Variants in SMC3 observed in about 807,000 individuals in gnomAD.
SMC3 encodes the protein structural maintenance of chromosomes protein 3.
In SMC3, 20 loss-of-function variants were observed where a neutral mutation model predicts 171.8. The ratio of observed to expected loss-of-function variants is 0.12; its 90% CI spans 0.08 to 0.17. The LOEUF (loss-of-function observed/expected upper bound fraction) is 0.17. SMC3 is among the 10% of genes least tolerant of loss of function. The pLI is 1.00. For synonymous variants in SMC3, 464 were observed against 451.1 expected (o/e 1.03, Z -0.36); for missense variants, 543 against 1,420.4 (o/e 0.38, Z 9.93).
chr10:110,603,321 G>C, intron 28 of SMC3, 31 bp downstream of exon 28: 1 of 1,291,792 alleles, frequency 7.7e-7, no homozygotes. Flanking sequence ...GTTTAAGTTT[G>C]TATTTATTCA....
intron 18 of SMC3, among the ~76,000 whole-genome samples, 169 bp downstream of exon 18, chr10:110,593,392 C>A (rs952503102): frequency 2.0e-5 from 3 of 151,676 alleles, no homozygotes; most frequent in African/African-American, 7.3e-5. Context: ...GCTAACGAGG[C>A]GAAACCCTGT....
intron 2 of SMC3, among the ~76,000 whole-genome samples, chr10:110,570,620 TTAAAA>T (rs1405691139): frequency 3.9e-5 from 6 of 152,206 alleles, no homozygotes; most frequent in African/African-American, 9.6e-5. Context: ...AACTTGCACC[TTAAAA>T]TAAGTACCTT....
Position 110,567,712 on chromosome 10 carries a change from G to C in SMC3, c.-105G>C. 7.1e-7 allele frequency: 1 copy of C among 1,406,354 alleles called. No individual in the cohort carries two copies. The highest frequency in any genetic ancestry group is 1.0e-6 in the Non-Finnish European group (1 of 999,732). The allele number at this position is 1,406,354 out of a possible 1,614,324, so 87.1% of individuals were successfully genotyped here. A position where few individuals can be genotyped will look rare whatever the true frequency, so the allele number is the denominator to read the frequency against. On this transcript the variant is annotated 5_prime_UTR_variant, in exon 1 of 29. Coordinates refer to ENST00000361804, the MANE Select transcript of SMC3 (RefSeq NM_005445.4). ...GCCATTTTGTTTGGCTGAGGGGAGC[G>C]AGCGGCGCTTTGGGGGAGGGGTCGC...
intron 6 of SMC3, 117 bp from the exon 7 acceptor site, chr10:110,578,511 A>G (rs1248954779): frequency 4.1e-6 from 3 of 726,498 alleles, no homozygotes; most frequent in South Asian, 1.6e-5. Context: ...GATGATACAG[A>G]TGGTTTAATT....
intron 7 of SMC3, among the ~76,000 whole-genome samples, chr10:110,580,599 A>G (rs1383426489): frequency 1.3e-5 from 2 of 152,258 alleles, no homozygotes; most frequent in Non-Finnish European, 2.9e-5. Flanking sequence ...TCCCAAATTC[A>G]AAAGTCTGAA....
In SMC3 at chr10:110,579,992, G is replaced by A. The variant is rs115510571; in HGVS notation, c.430-912G>A. Among the ~76,000 whole-genome samples, 727 of 151,944 alleles carry A rather than the reference G, an allele frequency of 4.8e-3. 7 individuals are homozygous for A. Among genetic ancestry groups the A allele is most frequent in the African/African-American group, 0.016 (652 of 41,442 alleles). ...TATCATTAGCCTTCTGTATCTGTAG[G>A]TTCCACATCTGCAAGTTCAGCCAAC... On this transcript the variant is annotated intron_variant, in intron 7 of 28. Coordinates refer to ENST00000361804, the MANE Select transcript of SMC3 (RefSeq NM_005445.4).
In SMC3 at chr10:110,567,749, A is replaced by T; in HGVS notation, c.-68A>T. On this transcript the variant is annotated 5_prime_UTR_variant, in exon 1 of 29. Transcript: ENST00000361804. ...GGGGGAGGGGTCGCGTAGGCGCCTC[A>T]CCTGACCCTGCGGCCGTGCGGTTGC... The T allele has an allele frequency of 6.2e-7, 1 of 1,601,902 alleles. No homozygotes were observed. The highest frequency in any genetic ancestry group is 8.5e-7 in the Non-Finnish European group (1 of 1,169,984).
At position 110,600,551 on chromosome 10, in the gene SMC3, GTA is replaced by G. The variant is rs1360623558; in HGVS notation, c.2535+7_2535+8del. ...CGCTTGGACCAAGTAGAACAGGTGT[GTA>G]TGTGTTTTTTTTTTTTTTTTTAAGG... On this transcript the variant is annotated splice_donor_region_variant and intron_variant, in intron 22 of 28. Coordinates refer to ENST00000361804, the MANE Select transcript of SMC3 (RefSeq NM_005445.4). 1.5e-6 allele frequency: 2 copies of G among 1,302,528 alleles called. No individual in the cohort carries two copies. The highest frequency in any genetic ancestry group is 1.7e-5 in the Admixed American group (1 of 58,690). 80.7% of individuals were successfully genotyped at this position (1,302,528 alleles called of 1,614,324 possible). A position where few individuals can be genotyped will look rare whatever the true frequency, so the allele number is the denominator to read the frequency against.
Position 110,601,810 on chromosome 10 carries a change from A to G in SMC3, c.2818A>G (p.Met940Val). The G allele has an allele frequency of 6.2e-7, 1 of 1,613,932 alleles. No homozygotes were observed. The highest frequency in any genetic ancestry group is 8.5e-7 in the Non-Finnish European group (1 of 1,179,856). The change falls in exon 24 of 29, where the codon ATG (methionine) becomes GTG (valine). Residue 940 changes from methionine to valine, a missense_variant. Met to Val is a conservative substitution (Grantham distance 21). Transcript: ENST00000361804. ...GCTATTGAAGAAGAAAGAAGAGTGT[A>G]TGAAGAAAATTCGAGAACTTGGATC... ...GMLLKKKEEC[M>V]KKIRELGSLP...
intron 19 of SMC3, among the ~76,000 whole-genome samples, chr10:110,597,155 AAAAG>A (rs1313320451): frequency 6.6e-6 from 1 of 151,854 alleles, no homozygotes; most frequent in African/African-American, 2.4e-5. Flanking sequence ...AAAAAAAAAA[AAAAG>A]GTGACAGGGG....
At chr10:110,594,770 A>C (rs192000068) in intron 18 of SMC3, among the ~76,000 whole-genome samples, 34 of 151,202 alleles carry the variant, frequency 2.2e-4, no homozygotes, top group Middle Eastern at 3.4e-3. Context: ...TGAACCATCC[A>C]AGAATAAGTA....
intron 7 of SMC3, 57 bp from the exon 8 acceptor site, chr10:110,580,847 T>G: frequency 1.1e-6 from 1 of 925,746 alleles, no homozygotes; most frequent in South Asian, 1.3e-5. Context: ...AACGTGGAGT[T>G]CTTCTTCTTA....
At chr10:110,568,394 C>T (rs1860815448) in intron 1 of SMC3, 2 of 168,854 alleles carry the variant, frequency 1.2e-5, no homozygotes, top group Non-Finnish European at 2.5e-5. Flanking sequence ...CCGCCTCCCT[C>T]GGTTGTTTAC....
chr10:110,604,590 C>A lies in SMC3; in HGVS notation c.*288C>A. 2.8e-6 allele frequency: 1 copy of A among 353,790 alleles called. No individual in the cohort carries two copies. Among genetic ancestry groups the A allele is most frequent in the South Asian group, 2.9e-5 (1 of 34,352 alleles). 21.9% of individuals were successfully genotyped at this position (353,790 alleles called of 1,614,324 possible). ...TTTCCTAATTATTTTATCACTTATA[C>A]TACCTTTTTTATAGCTTCAATTAAA... On this transcript the variant is annotated 3_prime_UTR_variant, in exon 29 of 29. Coordinates refer to ENST00000361804, the MANE Select transcript of SMC3 (RefSeq NM_005445.4).
At position 110,601,239 on chromosome 10, in the gene SMC3, T is replaced by C. The variant is rs1371249329; in HGVS notation, c.2644+109T>C. 3.5e-6 allele frequency: 3 copies of C among 856,370 alleles called. No homozygotes were observed. The African/African-American group carries it at 5.0e-5, about 14-fold the overall frequency. 53.0% of individuals were successfully genotyped at this position (856,370 alleles called of 1,614,324 possible). A position where few individuals can be genotyped will look rare whatever the true frequency, so the allele number is the denominator to read the frequency against. On this transcript the variant is annotated intron_variant, in intron 23 of 28. Coordinates refer to ENST00000361804, the MANE Select transcript of SMC3 (RefSeq NM_005445.4). The stretch of plus-strand genomic sequence containing the variant: ...AAGCATATGCTAATGATTTTTTGTT[T>C]TCCATTATAAACAATGTATAGCAAA...
chr10:110,593,670 G>A (rs11195206), intron 18 of SMC3, among the ~76,000 whole-genome samples: 17,067 of 152,052 alleles, frequency 0.11, 1,149 homozygotes, highest in East Asian at 0.26. Flanking sequence ...TTCTGGTTTT[G>A]AGAGTATTCG....
rs1248270877 is a variant in SMC3, at chr10:110,605,733, A to G, written c.*1431A>G. Among the ~76,000 whole-genome samples, 2 of 152,212 alleles carry G rather than the reference A, an allele frequency of 1.3e-5. No homozygotes were observed. The highest frequency in any genetic ancestry group is 2.9e-5 in the Non-Finnish European group (2 of 68,028). On this transcript the variant is annotated 3_prime_UTR_variant, in exon 29 of 29. Coordinates refer to ENST00000361804, the MANE Select transcript of SMC3 (RefSeq NM_005445.4). ...ACTACATTCAAAGGGTTACGTAACT[A>G]TAATATCTTTCTAATATTTCTACCA...
At chr10:110,580,631 G>A (rs1352699033) in intron 7 of SMC3, among the ~76,000 whole-genome samples, 1 of 152,210 alleles carries the variant, frequency 6.6e-6, no homozygotes, top group Non-Finnish European at 1.5e-5. Flanking sequence ...TCTACAATCT[G>A]AAACCTTTCG....
In SMC3 at chr10:110,589,882, T is replaced by C; in HGVS notation, c.1410-10T>C. ...TTAAAATTAAAGACAGTCTACTTTTTATTTATTAGCTACTTGTGGAGAGAA... is the reference window on the plus strand; with the variant it reads ...TTAAAATTAAAGACAGTCTACTTTTCATTTATTAGCTACTTGTGGAGAGAA... On this transcript the variant is annotated splice_polypyrimidine_tract_variant and intron_variant, in intron 14 of 28. Transcript: ENST00000361804. 6.2e-7 allele frequency: 1 copy of C among 1,611,400 alleles called. No individual in the cohort carries two copies. Among genetic ancestry groups the C allele is most frequent in the Non-Finnish European group, 8.5e-7 (1 of 1,177,850 alleles).
Sources: gnomAD v4.1 joint callset for allele counts (sites outside exome capture counted in the v4.1 genomes callset) on GRCh38, gnomAD v4.1.1 for gene constraint, MANE v1.5 for transcripts, NCBI Gene and HGNC (gene_info 2026-07-23, HGNC 2026-07-21) for gene names.